The following RAB11FIP2 variants were observed in gnomAD, a reference collection of about 807,000 sequenced individuals.
RAB11FIP2 encodes RAB11 family interacting protein 2.
Under a neutral mutation model 40.9 loss-of-function variants are expected in RAB11FIP2, and 16 were observed. The observed-to-expected ratio is 0.39, with a 90% confidence interval of 0.26 to 0.59. The LOEUF is 0.59. Ranked by LOEUF, RAB11FIP2 falls within the 20% of genes least tolerant of loss-of-function variation. RAB11FIP2 has a pLI of 0.53. For missense variants in RAB11FIP2, 532 were observed against 606.2 expected (o/e 0.88, Z 1.28); for synonymous variants, 228 against 213.7 (o/e 1.07, Z -0.58).
intron 3 of RAB11FIP2, among the ~76,000 whole-genome samples, chr10:118,021,083 T>TACAC (rs1039028434): frequency 6.6e-6 from 1 of 151,532 alleles, no homozygotes; most frequent in Non-Finnish European, 1.5e-5. Context: ...TGCCTACACA[T>TACAC]ACACACACAC....
intron 4 of RAB11FIP2, among the ~76,000 whole-genome samples, chr10:118,012,615 C>G (rs891551584): frequency 2.0e-5 from 3 of 151,650 alleles, no homozygotes; most frequent in Non-Finnish European, 4.4e-5. Flanking sequence ...AAAACATATG[C>G]TCATTACAAA....
At chr10:118,038,261 TATATAG>T (rs1219066479) in intron 3 of RAB11FIP2, among the ~76,000 whole-genome samples, 1 of 151,028 alleles carries the variant, frequency 6.6e-6, no homozygotes, top group African/African-American at 2.4e-5. Flanking sequence ...GATATAAATT[TATATAG>T]ATATAGATTT....
intron 4 of RAB11FIP2, among the ~76,000 whole-genome samples, chr10:118,010,064 T>C (rs897414481): frequency 2.6e-5 from 4 of 152,152 alleles, no homozygotes; most frequent in Admixed American, 2.0e-4. Flanking sequence ...TAATTCACTG[T>C]TATTACAAAG....
At chr10:118,014,888 A>C (rs1479094017) in intron 4 of RAB11FIP2, among the ~76,000 whole-genome samples, 177 bp downstream of exon 4, 1 of 152,216 alleles carries the variant, frequency 6.6e-6, no homozygotes, top group African/African-American at 2.4e-5. Flanking sequence ...CCTATTGTAT[A>C]TTAAAGGCAA....
chr10:118,034,991 G>A (rs74614482), intron 3 of RAB11FIP2, among the ~76,000 whole-genome samples: 1 of 152,242 alleles, frequency 6.6e-6, no homozygotes, highest in East Asian at 1.9e-4. Flanking sequence ...TGGGGCACGG[G>A]TGAGCTCTGG....
intron 3 of RAB11FIP2, among the ~76,000 whole-genome samples, chr10:118,023,239 A>G (rs1312669457): frequency 6.6e-6 from 1 of 152,146 alleles, no homozygotes; most frequent in Non-Finnish European, 1.5e-5. Flanking sequence ...TTGTTTTTTA[A>G]TGTTCTTTAA....
chr10:118,032,055 A>G (rs1392368788), intron 3 of RAB11FIP2, among the ~76,000 whole-genome samples: 3 of 152,068 alleles, frequency 2.0e-5, no homozygotes, highest in Non-Finnish European at 2.9e-5. Flanking sequence ...AAAATTCAGA[A>G]TAAGACATAC....
At chr10:118,042,837 A>C (rs12766512) in intron 1 of RAB11FIP2, among the ~76,000 whole-genome samples, 21,826 of 151,796 alleles carry the variant, frequency 0.14, 2,025 homozygotes, top group Middle Eastern at 0.22. Flanking sequence ...CCCACCCCCC[A>C]AAAAAAACTG....
Position 118,043,646 on chromosome 10 carries a change from T to C in RAB11FIP2, c.353+2165A>G, listed in dbSNP as rs191184708. Reference sequence around the variant, plus strand: ...ACACAACTGGAAGACAAGCTGTAAATATATGTCTTCAGTGTCAAAATGTAA... The same window carrying C: ...ACACAACTGGAAGACAAGCTGTAAACATATGTCTTCAGTGTCAAAATGTAA... On this transcript the variant is annotated intron_variant, in intron 1 of 4. Coordinates refer to ENST00000355624, the MANE Select transcript of RAB11FIP2 (RefSeq NM_014904.3). The C allele has an allele frequency of 4.6e-5, 7 of 152,328 alleles. No homozygotes were observed. In the East Asian group the frequency reaches 1.2e-3, roughly 25 times the overall value. The allele number at this position is 152,328 out of a possible 1,614,324, so 9.4% of individuals were successfully genotyped here.
At position 118,046,352 on chromosome 10, in the gene RAB11FIP2, G is replaced by A. The variant is rs767633253; in HGVS notation, c.-189C>T. On this transcript the variant is annotated 5_prime_UTR_variant, in exon 1 of 5. Coordinates refer to ENST00000355624, the MANE Select transcript of RAB11FIP2 (RefSeq NM_014904.3). ...GCAGCCCAGGGGCACGGCCGCTCCGGGGGTCCCCTTTCGTCTGGAGAAACA... is the reference window on the plus strand; with the variant it reads ...GCAGCCCAGGGGCACGGCCGCTCCGAGGGTCCCCTTTCGTCTGGAGAAACA... 5.1e-6 allele frequency: 3 copies of A among 592,364 alleles called. No homozygotes were observed. Among genetic ancestry groups the A allele is most frequent in the Non-Finnish European group, 3.0e-6 (1 of 336,170 alleles). The allele number at this position is 592,364 out of a possible 1,614,324, so 36.7% of individuals were successfully genotyped here. A position where few individuals can be genotyped will look rare whatever the true frequency, so the allele number is the denominator to read the frequency against.
chr10:118,022,742 T>C (rs1283462422), intron 3 of RAB11FIP2, among the ~76,000 whole-genome samples: 2 of 152,328 alleles, frequency 1.3e-5, no homozygotes, highest in East Asian at 3.9e-4. Flanking sequence ...AGGAACCATA[T>C]CTCATTCCTC....
intron 4 of RAB11FIP2, among the ~76,000 whole-genome samples, chr10:118,014,054 A>C (rs539555590): frequency 1.3e-5 from 2 of 152,240 alleles, no homozygotes; most frequent in Non-Finnish European, 2.9e-5. Context: ...AAACTTACGA[A>C]TCGTTTAAAT....
At chr10:118,038,521 A>G (rs902641532) in intron 3 of RAB11FIP2, among the ~76,000 whole-genome samples, 2 of 152,140 alleles carry the variant, frequency 1.3e-5, no homozygotes, top group Admixed American at 1.3e-4. Context: ...GATAATTAAC[A>G]TCTATTAGGA....
At position 118,008,059 on chromosome 10, in the gene RAB11FIP2, T is replaced by G. The variant is rs1282135553; in HGVS notation, c.*939A>C. 1 of 152,562 alleles carries G rather than the reference T, an allele frequency of 6.6e-6. No homozygotes were observed. Among genetic ancestry groups the G allele is most frequent in the Non-Finnish European group, 1.5e-5 (1 of 68,016 alleles). The allele number at this position is 152,562 out of a possible 1,614,324, so 9.5% of individuals were successfully genotyped here. On this transcript the variant is annotated 3_prime_UTR_variant, in exon 5 of 5. Coordinates refer to ENST00000355624, the MANE Select transcript of RAB11FIP2 (RefSeq NM_014904.3). ...TTTTCAGATATAACTTTATAATATT[T>G]GCTTTGCTAGTGATTTAAAGGCATG...
chr10:118,038,919 C>A, intron 3 of RAB11FIP2, 53 bp downstream of exon 3: 2 of 1,199,308 alleles, frequency 1.7e-6, no homozygotes, highest in Non-Finnish European at 2.3e-6. Context: ...TATTTGATAC[C>A]TTCAAGTACA....
intron 1 of RAB11FIP2, among the ~76,000 whole-genome samples, chr10:118,042,463 G>A (rs1345123411): frequency 6.6e-6 from 1 of 152,122 alleles, no homozygotes; most frequent in East Asian, 1.9e-4. Flanking sequence ...AATAACATCT[G>A]CAGGAAAATA....
chr10:118,019,718 C>T (rs568988953), intron 3 of RAB11FIP2, among the ~76,000 whole-genome samples: 112 of 151,418 alleles, frequency 7.4e-4, no homozygotes, highest in Admixed American at 1.6e-3. Context: ...CCTAGCTACT[C>T]GGGAGGCTGA....
intron 4 of RAB11FIP2, among the ~76,000 whole-genome samples, chr10:118,014,535 C>T (rs901825945): frequency 2.6e-5 from 4 of 152,036 alleles, no homozygotes; most frequent in Non-Finnish European, 4.4e-5. Flanking sequence ...TTTAGGTGGT[C>T]GCTACCAATC....
intron 3 of RAB11FIP2, among the ~76,000 whole-genome samples, chr10:118,025,455 G>A (rs191287665): frequency 1.2e-3 from 182 of 152,320 alleles, no homozygotes; most frequent in African/African-American, 4.2e-3. Flanking sequence ...ACTACAAGAA[G>A]TTTTTGTTCG....
Sources: allele counts gnomAD v4.1 joint callset (sites outside exome capture counted in the v4.1 genomes callset), GRCh38; gene constraint gnomAD v4.1.1; transcripts MANE v1.5; gene names NCBI Gene and HGNC (gene_info 2026-07-23, HGNC 2026-07-21).